The following KRIT1 variants were observed in gnomAD, a reference collection of about 807,000 sequenced individuals.
The protein encoded by KRIT1 is krev interaction trapped protein 1.
In KRIT1, 45 loss-of-function variants were observed where a neutral mutation model predicts 95.8. The ratio of observed to expected loss-of-function variants is 0.47; its 90% confidence interval spans 0.37 to 0.60. The LOEUF is 0.60. Ranked by LOEUF, KRIT1 falls within the 20% of genes least tolerant of loss-of-function variation. The pLI is 0.00. For missense variants in KRIT1, 788 were observed against 877.5 expected, an observed-to-expected ratio of 0.90 and a Z score of 1.29; for synonymous variants, 282 against 278.8, an observed-to-expected ratio of 1.01 and a Z score of -0.11.
chr7:92,237,804 T>C (rs1376295129), intron 5 of KRIT1, 45 bp from the exon 6 acceptor site: 1 of 930,676 alleles, frequency 1.1e-6, no homozygotes, highest in East Asian at 2.5e-5. Context: ...AATACACTTT[T>C]AAATCTTATA....
At chr7:92,207,363 TA>T (rs1791770886) in intron 17 of KRIT1, among the ~76,000 whole-genome samples, 1 of 147,006 alleles carries the variant, frequency 6.8e-6, no homozygotes, top group African/African-American at 2.6e-5. Flanking sequence ...TTTAAAATGC[TA>T]AAAGTTAAAG....
intron 5 of KRIT1, among the ~76,000 whole-genome samples, chr7:92,239,476 T>C (rs1008798481): frequency 1.3e-5 from 2 of 152,150 alleles, no homozygotes; most frequent in Non-Finnish European, 2.9e-5. Flanking sequence ...TAAGTTCAGA[T>C]GAAAATTTAT....
At chr7:92,221,654 C>T (rs1390516162) in intron 14 of KRIT1, among the ~76,000 whole-genome samples, 2 of 152,108 alleles carry the variant, frequency 1.3e-5, no homozygotes, top group Non-Finnish European at 2.9e-5. Flanking sequence ...AATTTGGCTC[C>T]ACATCTGATT....
At chr7:92,232,534 C>G (rs1797522581) in intron 10 of KRIT1, among the ~76,000 whole-genome samples, 2 of 150,650 alleles carry the variant, frequency 1.3e-5, no homozygotes, top group African/African-American at 4.9e-5. Context: ...AAAAACACCC[C>G]TGCCACAAAA....
chr7:92,207,410 A>G (rs1423347958), intron 17 of KRIT1, among the ~76,000 whole-genome samples: 1 of 152,210 alleles, frequency 6.6e-6, no homozygotes. Flanking sequence ...TGGTGCAAAA[A>G]TAACTGCGAT....
At chr7:92,233,120 T>C (rs1331372124) in intron 10 of KRIT1, among the ~76,000 whole-genome samples, 1 of 151,686 alleles carries the variant, frequency 6.6e-6, no homozygotes, top group Non-Finnish European at 1.5e-5. Flanking sequence ...ATAAGAAATA[T>C]AAGAGCATAT....
intron 17 of KRIT1, among the ~76,000 whole-genome samples, chr7:92,208,397 A>G (rs190043539): frequency 2.6e-5 from 4 of 152,058 alleles, no homozygotes; most frequent in Non-Finnish European, 4.4e-5. Context: ...AAGAAAAAAG[A>G]AAAAAATTAC....
At chr7:92,203,910 C>T (rs1235394752) in intron 17 of KRIT1, 1 of 152,264 alleles carries the variant, frequency 6.6e-6, no homozygotes, top group African/African-American at 2.4e-5. Flanking sequence ...TAATAAACAG[C>T]AGCCTATTTT....
At chr7:92,213,798 T>C in intron 16 of KRIT1, 94 bp downstream of exon 16, 1 of 786,112 alleles carries the variant, frequency 1.3e-6, no homozygotes, top group Non-Finnish European at 2.3e-6. Flanking sequence ...TTCAGGACTA[T>C]AAATTTAATC....
chr7:92,226,717 C>CA (rs761422680), intron 10 of KRIT1, 35 bp from the exon 11 acceptor site: 20 of 1,594,922 alleles, frequency 1.3e-5, no homozygotes, highest in Admixed American at 1.7e-5. Context: ...AAAACAACAA[C>CA]AAAAAAAACT....
intron 14 of KRIT1, among the ~76,000 whole-genome samples, chr7:92,217,074 T>A (rs1794148611): frequency 6.6e-6 from 1 of 152,242 alleles, no homozygotes; most frequent in African/African-American, 2.4e-5. Context: ...AAGAACTTAC[T>A]AAGCCTTGCT....
At chr7:92,204,091 T>C (rs931763618) in intron 17 of KRIT1, 3 of 151,392 alleles carry the variant, frequency 2.0e-5, no homozygotes, top group Admixed American at 6.6e-5. Context: ...TGAGATCCTA[T>C]CTCTACAAAT....
At chr7:92,222,579 T>A (rs1275266586) in intron 13 of KRIT1, among the ~76,000 whole-genome samples, 1 of 152,204 alleles carries the variant, frequency 6.6e-6, no homozygotes, top group Non-Finnish European at 1.5e-5. Context: ...TCAAATGCCA[T>A]TGCCATAGAA....
intron 17 of KRIT1, 41 bp downstream of exon 17, chr7:92,213,154 T>C (rs1203603555): frequency 7.3e-7 from 1 of 1,363,110 alleles, no homozygotes; most frequent in African/African-American, 1.4e-5. Context: ...TTGTTTTAAC[T>C]ATTATATGAC....
intron 10 of KRIT1, among the ~76,000 whole-genome samples, chr7:92,229,180 T>C (rs1448828843): frequency 6.6e-6 from 1 of 152,216 alleles, no homozygotes; most frequent in African/African-American, 2.4e-5. Flanking sequence ...CTTTTCACAA[T>C]GGTTGAACTA....
rs150902893 is a variant in KRIT1 at position 92,205,302 on chromosome 7, C to T, written c.2026-3879G>A. The stretch of plus-strand genomic sequence containing the variant: ...CAGAGGTTGCAGTGAGCCAAGATCA[C>T]GCCATTGCACTGCAGCCTGGGCAAC... On this transcript the variant is annotated intron_variant, in intron 17 of 18. Transcript: ENST00000394505. Among the ~76,000 whole-genome samples the T allele has an allele frequency of 4.4e-3, 664 of 152,114 alleles. 5 individuals carry two copies. The highest frequency in any genetic ancestry group is 0.015 in the African/African-American group (629 of 41,468).
intron 17 of KRIT1, among the ~76,000 whole-genome samples, chr7:92,202,562 C>T (rs1159408183): frequency 6.6e-6 from 1 of 152,060 alleles, no homozygotes; most frequent in Non-Finnish European, 1.5e-5. Flanking sequence ...TCTATAAATA[C>T]CAATTCTTAT....
intron 10 of KRIT1, among the ~76,000 whole-genome samples, chr7:92,227,474 CAA>C (rs1796427390): frequency 6.6e-6 from 1 of 151,988 alleles, no homozygotes; most frequent in South Asian, 2.1e-4. Flanking sequence ...TTCCAGAAAA[CAA>C]GAGATATGAT....
intron 10 of KRIT1, 56 bp downstream of exon 10, chr7:92,234,393 A>G: frequency 7.6e-7 from 1 of 1,323,924 alleles, no homozygotes; most frequent in East Asian, 2.5e-5. Flanking sequence ...AAGGACTAAC[A>G]TTTATAATAA....
Sources: gnomAD v4.1 joint callset for allele counts (sites outside exome capture counted in the v4.1 genomes callset) on GRCh38, gnomAD v4.1.1 for gene constraint, MANE v1.5 for transcripts, NCBI Gene and HGNC (gene_info 2026-07-23, HGNC 2026-07-21) for gene names.